The following NLGN4Y variants were observed in gnomAD, a reference collection of about 807,000 sequenced individuals.
NLGN4Y encodes the protein neuroligin 4 Y-linked.
In NLGN4Y, 4 loss-of-function variants were observed where a neutral mutation model predicts 8.4. That is an observed-to-expected ratio of 0.48 (90% confidence interval 0.23 to 1.09). The LOEUF (loss-of-function observed/expected upper bound fraction) is 1.09, where lower values mean the gene tolerates loss of function less well. Among genes scored for constraint, NLGN4Y ranks in the 50% least tolerant of loss-of-function variants. NLGN4Y has a pLI of 0.19. For missense variants in NLGN4Y, 90 were observed against 192.3 expected (o/e 0.47, Z 3.15); for synonymous variants, 35 against 75.6 (o/e 0.46, Z 2.78).
chrY:14,526,114 T>G, intron 1 of NLGN4Y, among the ~76,000 whole-genome samples: 1 of 33,849 alleles, frequency 3.0e-5, no homozygotes, highest in Non-Finnish European at 7.3e-5. Flanking sequence ...CACTGAGCCT[T>G]TTCCTAGAGG....
At position 14,844,315 on chromosome Y, in the gene NLGN4Y, C is replaced by G. The variant is rs28438011; in HGVS notation, c.*3053C>G. On this transcript the variant is annotated 3_prime_UTR_variant, in exon 7 of 7. Coordinates refer to ENST00000684976, the MANE Select transcript of NLGN4Y (RefSeq NM_001365588.1). ...TGCCTTAATGGTTTCAAATAGAAAG[C>G]CTTAGGTGAGTAAACCTTCTAGTGA... The G allele has an allele frequency of 2.2e-5, 1 of 45,416 alleles. No homozygotes were observed. The highest frequency in any genetic ancestry group is 5.1e-5 in the Non-Finnish European group (1 of 19,576). The allele number at this position is 45,416 out of a possible 400,897, so 11.3% of individuals were successfully genotyped here.
chrY:14,748,532 A>G, intron 4 of NLGN4Y: 3 of 161,283 alleles, frequency 1.9e-5, no homozygotes, highest in Non-Finnish European at 3.7e-5. Flanking sequence ...TGAACACTGC[A>G]TGCCAAGAAA....
chrY:14,576,028 CG>C (rs2080296907), intron 1 of NLGN4Y, among the ~76,000 whole-genome samples: 1 of 33,528 alleles, frequency 3.0e-5, no homozygotes, highest in Non-Finnish European at 7.4e-5. Context: ...ATAGGCTACT[CG>C]GGGGTCAGGG....
chrY:14,648,556 G>A (rs2080618819), intron 2 of NLGN4Y, among the ~76,000 whole-genome samples: 2 of 33,060 alleles, frequency 6.0e-5, no homozygotes, highest in Non-Finnish European at 1.5e-4. Context: ...AACAATAATT[G>A]TATTGACATT....
intron 1 of NLGN4Y, among the ~76,000 whole-genome samples, chrY:14,561,070 A>C: frequency 3.0e-5 from 1 of 33,153 alleles, no homozygotes; most frequent in Non-Finnish European, 7.5e-5. Context: ...ACTGTTTATT[A>C]ATCATAGTTT....
chrY:14,617,828 C>T, intron 1 of NLGN4Y, among the ~76,000 whole-genome samples: 1 of 32,071 alleles, frequency 3.1e-5, no homozygotes, highest in African/African-American at 1.2e-4. Context: ...GCAGTCTGGC[C>T]ACAGATGCTT....
intron 3 of NLGN4Y, among the ~76,000 whole-genome samples, chrY:14,721,324 C>T: frequency 3.0e-5 from 1 of 33,202 alleles, no homozygotes; most frequent in African/African-American, 1.2e-4. Context: ...AATTAGGAAC[C>T]GGGAAGAAGA....
chrY:14,702,369 G>A, intron 2 of NLGN4Y, among the ~76,000 whole-genome samples: 1 of 31,176 alleles, frequency 3.2e-5, no homozygotes. Context: ...GTGTCCATGT[G>A]TTCTCATTGT....
At chrY:14,798,924 C>T (rs2043021470) in intron 4 of NLGN4Y, among the ~76,000 whole-genome samples, 1 of 34,057 alleles carries the variant, frequency 2.9e-5, no homozygotes. Flanking sequence ...CTCTGGTGCA[C>T]TGAAAACCTG....
chrY:14,598,169 C>T, intron 1 of NLGN4Y, among the ~76,000 whole-genome samples: 3 of 35,102 alleles, frequency 8.5e-5, no homozygotes, highest in African/African-American at 3.3e-4. Flanking sequence ...ACACGTGGAG[C>T]TGACTGCCAG....
At chrY:14,561,293 A>G in intron 1 of NLGN4Y, among the ~76,000 whole-genome samples, 1 of 31,908 alleles carries the variant, frequency 3.1e-5, no homozygotes, top group Admixed American at 2.9e-4. Context: ...ATGTATTCTC[A>G]TTGTTCAGCT....
chrY:14,596,851 C>T, intron 1 of NLGN4Y, among the ~76,000 whole-genome samples: 3 of 32,955 alleles, frequency 9.1e-5, no homozygotes, highest in South Asian at 6.9e-4. Context: ...ATGGTCTCAC[C>T]GCTTGGCGAT....
At chrY:14,697,601 A>ATAGAT (rs2080835532) in intron 2 of NLGN4Y, among the ~76,000 whole-genome samples, 1 of 28,053 alleles carries the variant, frequency 3.6e-5, no homozygotes, top group African/African-American at 1.4e-4. Context: ...AGAGAGATAG[A>ATAGAT]TAGATAGATA....
At chrY:14,550,478 G>T in intron 1 of NLGN4Y, among the ~76,000 whole-genome samples, 1 of 33,778 alleles carries the variant, frequency 3.0e-5, no homozygotes, top group Non-Finnish European at 7.3e-5. Flanking sequence ...AGCAACCTTG[G>T]TCTTTACCAT....
chrY:14,543,854 G>A, intron 1 of NLGN4Y, among the ~76,000 whole-genome samples: 1 of 33,271 alleles, frequency 3.0e-5, no homozygotes, highest in East Asian at 8.0e-4. Flanking sequence ...GCACACATGC[G>A]CACACACACG....
At chrY:14,824,030 T>C (rs2043133599) in intron 4 of NLGN4Y, among the ~76,000 whole-genome samples, 158 bp from the exon 5 acceptor site, 1 of 34,126 alleles carries the variant, frequency 2.9e-5, no homozygotes, top group Non-Finnish European at 7.3e-5. Context: ...TAATTATTTC[T>C]GCCACAAAAA....
At position 14,843,144 on chromosome Y, in the gene NLGN4Y, A is replaced by C. The variant is rs2043233076; in HGVS notation, c.*1882A>C. The stretch of plus-strand genomic sequence containing the variant: ...TACACTCAAACTATAGTGATATATC[A>C]GTGTTTGGGAGTGACCTCTAGAAAA... On this transcript the variant is annotated 3_prime_UTR_variant, in exon 7 of 7. Transcript: ENST00000684976. 1 of 120,032 alleles carries C rather than the reference A, an allele frequency of 8.3e-6. No individual in the cohort carries two copies. The highest frequency in any genetic ancestry group is 1.0e-4 in the Admixed American group (1 of 9,571). The allele number at this position is 120,032 out of a possible 400,897, so 29.9% of individuals were successfully genotyped here.
At chrY:14,752,267 A>G in intron 4 of NLGN4Y, among the ~76,000 whole-genome samples, 1 of 32,963 alleles carries the variant, frequency 3.0e-5, no homozygotes, top group Middle Eastern at 0.013. Context: ...CACATTTTTT[A>G]TCATCATGAT....
intron 2 of NLGN4Y, among the ~76,000 whole-genome samples, chrY:14,672,872 C>T (rs1603502417): frequency 7.0e-5 from 2 of 28,713 alleles, no homozygotes; most frequent in African/African-American, 1.4e-4. Flanking sequence ...GAAATAATGC[C>T]GCATATCTAC....
Sources: gnomAD v4.1 joint callset for allele counts (sites outside exome capture counted in the v4.1 genomes callset) on GRCh38, gnomAD v4.1.1 for gene constraint, MANE v1.5 for transcripts, NCBI Gene and HGNC (gene_info 2026-07-23, HGNC 2026-07-21) for gene names.